Variants in SF3B1 observed in about 807,000 individuals in gnomAD.
SF3B1 encodes splicing factor 3b subunit 1.
SF3B1 carries 12 observed loss-of-function variants against 153.8 expected under a neutral mutation model. The observed-to-expected ratio is 0.08, with a 90% CI of 0.05 to 0.13. SF3B1 has a LOEUF of 0.13. Ranked by LOEUF, SF3B1 falls within the 10% of genes least tolerant of loss-of-function variation. The pLI is 1.00. For missense variants in SF3B1, 513 were observed against 1,606.1 expected (o/e 0.32, Z 11.63); for synonymous variants, 498 against 525.2 (o/e 0.95, Z 0.71).
At chr2:197,422,774 C>A (rs2085266756) in intron 2 of SF3B1, among the ~76,000 whole-genome samples, 1 of 151,734 alleles carries the variant, frequency 6.6e-6, no homozygotes. Flanking sequence ...TCTGTAGTCC[C>A]AGCTACTCGG....
At chr2:197,434,698 C>T (rs2085494678) in intron 1 of SF3B1, among the ~76,000 whole-genome samples, 2 of 152,228 alleles carry the variant, frequency 1.3e-5, no homozygotes, top group Non-Finnish European at 2.9e-5. Context: ...ACTGAGGAAG[C>T]CGCTTAAACG....
Position 197,402,452 on chromosome 2 carries a change from G to A in SF3B1, c.2077+104C>T, listed in dbSNP as rs1231809722. The A allele has an allele frequency of 4.0e-6, 4 of 989,544 alleles. No homozygotes were observed. The highest frequency in any genetic ancestry group is 1.5e-6 in the Non-Finnish European group (1 of 677,524). The allele number at this position is 989,544 out of a possible 1,614,324, so 61.3% of individuals were successfully genotyped here. A position where few individuals can be genotyped will look rare whatever the true frequency, so the allele number is the denominator to read the frequency against. On this transcript the variant is annotated intron_variant, in intron 14 of 24. Coordinates refer to ENST00000335508, the MANE Select transcript of SF3B1 (RefSeq NM_012433.4). This position sits in a 1 kb window ranked among gnomAD's most constrained non-coding sequence, Gnocchi z 4.6. Reference sequence around the variant, plus strand: ...TCCCAACTACTAAGGAGGCTGAGCAGGAGGATCACTTGAGCCCAAAGGTTT... The same window carrying A: ...TCCCAACTACTAAGGAGGCTGAGCAAGAGGATCACTTGAGCCCAAAGGTTT...
intron 23 of SF3B1, among the ~76,000 whole-genome samples, chr2:197,394,677 G>A (rs1168748587): frequency 6.6e-6 from 1 of 152,154 alleles, no homozygotes; most frequent in African/African-American, 2.4e-5. Context: ...ATGCCAAGGC[G>A]GGTAGATCAC....
intron 1 of SF3B1, among the ~76,000 whole-genome samples, chr2:197,426,364 C>T (rs1048471446): frequency 6.6e-6 from 1 of 151,982 alleles, no homozygotes; most frequent in Non-Finnish European, 1.5e-5. Flanking sequence ...GGCTGGATCT[C>T]GGCTCACTGC....
chr2:197,408,192 C>G, intron 8 of SF3B1, 73 bp from the exon 9 acceptor site: 1 of 1,379,636 alleles, frequency 7.2e-7, no homozygotes, highest in East Asian at 2.3e-5. Context: ...AGATAAAAGA[C>G]AGTTAAGATC....
intron 22 of SF3B1, 118 bp from the exon 23 acceptor site, chr2:197,396,446 T>TA: frequency 1.3e-6 from 1 of 778,694 alleles, no homozygotes; most frequent in Non-Finnish European, 2.0e-6. Context: ...ACTCAGTAAT[T>TA]TTATAAAATG....
At position 197,401,431 on chromosome 2, in the gene SF3B1, C is replaced by T; in HGVS notation, c.2465G>A (p.Arg822Lys). The T allele has an allele frequency of 6.2e-7, 1 of 1,611,438 alleles. No individual in the cohort carries two copies. The highest frequency in any genetic ancestry group is 8.5e-7 in the Non-Finnish European group (1 of 1,179,244). Reference protein sequence around the residue: ...PPFFKHFWQHRMALDRRNYRQ... With the variant: ...PPFFKHFWQHKMALDRRNYRQ... ...GTAATTTCTTCTATCCAAAGCCATC[C>T]TGTGCTGCCAGAAGTGTTTAAAAAA... Residue 822 changes from arginine (R) to lysine (K), a missense_variant, in exon 17 of 25, where the codon AGG (arginine) becomes AAG (lysine). Transcript: ENST00000335508. This position sits in a 1 kb window ranked among gnomAD's most constrained non-coding sequence, Gnocchi z 4.2.
Position 197,418,234 on chromosome 2 carries a change from CAAAAAAAAAAAAAAAA to C in SF3B1, c.495+259_495+274del, listed in dbSNP as rs59644092. ...CTGGATGACAGAGTGAGACTGTGTC[CAAAAAAAAAAAAAAAA>C]AAAAAAAAAAAAAATCCCTTGTGAG... On this transcript the variant is annotated intron_variant, in intron 5 of 24. Coordinates refer to ENST00000335508, the MANE Select transcript of SF3B1 (RefSeq NM_012433.4). 4.5e-3 allele frequency among the ~76,000 whole-genome samples: 165 copies of C among 36,404 alleles called. 11 individuals are homozygous for C. Among genetic ancestry groups the C allele is most frequent in the Non-Finnish European group, 1.8e-3 (32 of 18,276 alleles). The allele number at this position is 36,404 out of a possible 152,430, so 23.9% of individuals were successfully genotyped here. A position where few individuals can be genotyped will look rare whatever the true frequency, so the allele number is the denominator to read the frequency against.
chr2:197,403,270 C>T (rs1202725846), intron 12 of SF3B1, among the ~76,000 whole-genome samples: 1 of 152,146 alleles, frequency 6.6e-6, no homozygotes, highest in African/African-American at 2.4e-5. Flanking sequence ...ATAACTTATA[C>T]ACCCTATGAA....
At chr2:197,427,549 C>T (rs2085353900) in intron 1 of SF3B1, among the ~76,000 whole-genome samples, 1 of 152,134 alleles carries the variant, frequency 6.6e-6, no homozygotes, top group African/African-American at 2.4e-5. Flanking sequence ...TATGAGCAAA[C>T]AAATTATTAC....
chr2:197,408,234 C>T (rs962522658), intron 8 of SF3B1, 115 bp from the exon 9 acceptor site: 42 of 1,284,486 alleles, frequency 3.3e-5, no homozygotes, highest in Non-Finnish European at 4.2e-5. Context: ...ATTATAAACG[C>T]AAACCAAGAC....
At chr2:197,422,252 GA>G (rs1030313374) in intron 2 of SF3B1, among the ~76,000 whole-genome samples, 10 of 145,664 alleles carry the variant, frequency 6.9e-5, no homozygotes, top group Non-Finnish European at 9.1e-5. Context: ...TTTCTCTCAA[GA>G]AAAAAAAAAG....
intron 1 of SF3B1, among the ~76,000 whole-genome samples, chr2:197,430,863 G>A (rs1425750775): frequency 6.6e-6 from 1 of 151,894 alleles, no homozygotes; most frequent in South Asian, 2.1e-4. Flanking sequence ...AGCGCCAGCC[G>A]CTCTCTACTT....
At chr2:197,421,397 A>C (rs1461495506) in intron 2 of SF3B1, among the ~76,000 whole-genome samples, 1 of 152,234 alleles carries the variant, frequency 6.6e-6, no homozygotes, top group Non-Finnish European at 1.5e-5. Flanking sequence ...GTAGGTATGG[A>C]CTAGAAAAAC....
chr2:197,418,642 G>A, intron 4 of SF3B1, 54 bp from the exon 5 acceptor site: 5 of 1,579,066 alleles, frequency 3.2e-6, no homozygotes, highest in Non-Finnish European at 4.3e-6. Context: ...AAAATAAGCA[G>A]GTTCAACTGA....
At position 197,401,735 on chromosome 2, in the gene SF3B1, T is replaced by C; in HGVS notation, c.2370+7A>G. 1 of 1,605,860 alleles carries C rather than the reference T, an allele frequency of 6.2e-7. No individual in the cohort carries two copies. Among genetic ancestry groups the C allele is most frequent in the African/African-American group, 1.3e-5 (1 of 74,600 alleles). On this transcript the variant is annotated splice_region_variant and intron_variant, in intron 16 of 24. Coordinates refer to ENST00000335508, the MANE Select transcript of SF3B1 (RefSeq NM_012433.4). The surrounding 1 kb of genome is among the most constrained non-coding windows in gnomAD (Gnocchi z 4.2). ...CCAGTTTACATTAACAAATCTGGAATAATTACCTTCAGCACAATTTTTTTC... is the reference window on the plus strand; with the variant it reads ...CCAGTTTACATTAACAAATCTGGAACAATTACCTTCAGCACAATTTTTTTC...
In SF3B1 at chr2:197,408,360, C is replaced by T; in HGVS notation, c.1117+9G>A. 8 of 1,612,160 alleles carry T rather than the reference C, an allele frequency of 5.0e-6. No individual in the cohort carries two copies. Among genetic ancestry groups the T allele is most frequent in the Non-Finnish European group, 6.8e-6 (8 of 1,178,326 alleles). ...AAAAAAACAATTATGTCCAATGAGA[C>T]AGTTCTACCTGGAGTAGGGGTAGCC... On this transcript the variant is annotated intron_variant, in intron 8 of 24. Coordinates refer to ENST00000335508, the MANE Select transcript of SF3B1 (RefSeq NM_012433.4).
At chr2:197,426,742 A>T (rs1195322394) in intron 1 of SF3B1, among the ~76,000 whole-genome samples, 1 of 152,092 alleles carries the variant, frequency 6.6e-6, no homozygotes, top group Admixed American at 6.6e-5. Context: ...TGCATCATTA[A>T]CAAACACCCT....
chr2:197,407,533 A>G (rs2105993242), intron 9 of SF3B1, among the ~76,000 whole-genome samples: 1 of 150,778 alleles, frequency 6.6e-6, no homozygotes, highest in South Asian at 2.1e-4. Flanking sequence ...TAAACCTGGG[A>G]GGCGGAGGTT....
Sources: gnomAD v4.1 joint callset for allele counts (sites outside exome capture counted in the v4.1 genomes callset) on GRCh38, gnomAD v4.1.1 for gene constraint, Gnocchi (gnomAD v3.1) non-coding constraint, MANE v1.5 for transcripts, NCBI Gene and HGNC (gene_info 2026-07-23, HGNC 2026-07-21) for gene names.